Variants in CPS1 observed in about 807,000 individuals in gnomAD.
The protein encoded by CPS1 is carbamoyl-phosphate synthase 1, also known as carbamoyl-phosphate synthase [ammonia], mitochondrial.
CPS1 carries 109 observed loss-of-function variants against 174.6 expected under a neutral mutation model. The observed-to-expected ratio is 0.62, with a 90% CI of 0.53 to 0.73. CPS1 has a LOEUF of 0.73. Among genes scored for constraint, CPS1 ranks in the 30% least tolerant of loss-of-function variants. The pLI is 0.00. For synonymous variants in CPS1, 637 were observed against 632.0 expected (o/e 1.01, Z -0.12); for missense variants, 1,689 against 1,821.9 (o/e 0.93, Z 1.33).
intron 6 of CPS1, 140 bp downstream of exon 6, chr2:210,582,849 A>G (rs1229187662): frequency 7.2e-6 from 5 of 697,938 alleles, no homozygotes; most frequent in Non-Finnish European, 1.3e-5. Flanking sequence ...CATAGCAGCT[A>G]AAATACACCT....
intron 13 of CPS1, among the ~76,000 whole-genome samples, chr2:210,597,950 T>C (rs1698548919): frequency 6.6e-6 from 1 of 151,876 alleles, no homozygotes; most frequent in Non-Finnish European, 1.5e-5. Context: ...TAAAGCACTA[T>C]AGCAAGCATG....
upstream of CPS1, among the ~76,000 whole-genome samples, chr2:210,553,694 T>C (rs1225467100): frequency 6.6e-6 from 1 of 152,006 alleles, no homozygotes; most frequent in Non-Finnish European, 1.5e-5. Flanking sequence ...AAAATGCTTA[T>C]TTTTTAAAAT....
At chr2:210,539,956 C>T in intron 1 of CPS1, among the ~76,000 whole-genome samples, 1 of 152,162 alleles carries the variant, frequency 6.6e-6, no homozygotes, top group Non-Finnish European at 1.5e-5. Flanking sequence ...GTCATTTCTA[C>T]TACATTGCTC....
chr2:210,482,297 G>A (rs954989760), intron 1 of CPS1, among the ~76,000 whole-genome samples: 2 of 151,062 alleles, frequency 1.3e-5, no homozygotes, highest in Non-Finnish European at 2.9e-5. Context: ...TGTAGACTAC[G>A]TTGAATCCCT....
At chr2:210,538,976 T>A (rs1696331378) in intron 1 of CPS1, among the ~76,000 whole-genome samples, 1 of 152,180 alleles carries the variant, frequency 6.6e-6, no homozygotes, top group Non-Finnish European at 1.5e-5. Flanking sequence ...AGGTAAAAAT[T>A]GTAGTACTGG....
upstream of CPS1, chr2:210,556,412 A>T (rs943479620): frequency 1.9e-6 from 1 of 536,952 alleles, no homozygotes; most frequent in African/African-American, 1.9e-5. Flanking sequence ...TGCATAAACA[A>T]TTCCTTTGAT....
chr2:210,616,595 G>C, intron 21 of CPS1, 54 bp downstream of exon 21: 1 of 1,046,066 alleles, frequency 9.6e-7, no homozygotes, highest in Middle Eastern at 2.0e-4. Context: ...AATTTTTAAA[G>C]AGTCTTCTTC....
At chr2:210,640,422 A>T (rs1700184731) in intron 24 of CPS1, among the ~76,000 whole-genome samples, 1 of 152,216 alleles carries the variant, frequency 6.6e-6, no homozygotes, top group African/African-American at 2.4e-5. Context: ...AGGACTTTAT[A>T]CATTAGCCAG....
chr2:210,670,866 C>T (rs1701277825), intron 34 of CPS1, among the ~76,000 whole-genome samples: 1 of 152,148 alleles, frequency 6.6e-6, no homozygotes, highest in Non-Finnish European at 1.5e-5. Flanking sequence ...ATATTCATAA[C>T]ATCAATCTTA....
At chr2:210,637,202 C>T (rs7601865) in intron 21 of CPS1, among the ~76,000 whole-genome samples, 9 of 151,852 alleles carry the variant, frequency 5.9e-5, no homozygotes, top group African/African-American at 2.2e-4. Context: ...AGGGTAGAGC[C>T]GTGGGTAGGG....
Position 210,588,043 on chromosome 2 carries a change from T to C in CPS1, c.622-15T>C. 6.2e-7 allele frequency: 1 copy of C among 1,612,048 alleles called. No homozygotes were observed. Among genetic ancestry groups the C allele is most frequent in the Non-Finnish European group, 8.5e-7 (1 of 1,178,458 alleles). On this transcript the variant is annotated splice_polypyrimidine_tract_variant and intron_variant, in intron 6 of 37. Transcript: ENST00000233072. Reference sequence around the variant, plus strand: ...CTGGGACTTCCCTCTCATTCTCTGGTTTTTAAAATGGCAGGATGTCAAAGT... The same window carrying C: ...CTGGGACTTCCCTCTCATTCTCTGGCTTTTAAAATGGCAGGATGTCAAAGT...
intron 23 of CPS1, among the ~76,000 whole-genome samples, chr2:210,639,734 T>C (rs1574629071): frequency 1.3e-5 from 2 of 150,210 alleles, no homozygotes; most frequent in South Asian, 2.1e-4. Flanking sequence ...AAATGAAAAA[T>C]TAAGGACAAT....
chr2:210,671,950 G>A (rs1701319969), intron 34 of CPS1: 1 of 152,244 alleles, frequency 6.6e-6, no homozygotes, highest in Non-Finnish European at 1.5e-5. Flanking sequence ...CAAGGTTAAT[G>A]CAATCTTGAC....
intron 21 of CPS1, 100 bp downstream of exon 21, chr2:210,616,641 T>A (rs1444962455): frequency 2.4e-6 from 2 of 821,416 alleles, no homozygotes; most frequent in Admixed American, 3.4e-5. Context: ...TGTGATTCAA[T>A]GAGGTAGATA....
At chr2:210,670,913 T>G (rs1456777757) in intron 34 of CPS1, among the ~76,000 whole-genome samples, 1 of 152,202 alleles carries the variant, frequency 6.6e-6, no homozygotes, top group Admixed American at 6.6e-5. Flanking sequence ...AAGATGTAGA[T>G]TTTGTCAAAG....
At chr2:210,489,934 C>CT (rs2105949724) in intron 1 of CPS1, among the ~76,000 whole-genome samples, 1 of 145,414 alleles carries the variant, frequency 6.9e-6, no homozygotes, top group South Asian at 2.2e-4. Flanking sequence ...GGAGGCGGAG[C>CT]TTGCAGTGAG....
At chr2:210,637,347 A>G (rs1159744875) in intron 21 of CPS1, among the ~76,000 whole-genome samples, 1 of 152,206 alleles carries the variant, frequency 6.6e-6, no homozygotes, top group Non-Finnish European at 1.5e-5. Context: ...GTTGAGGAAA[A>G]TGAAAACTGA....
chr2:210,629,471 C>T lies in CPS1; in HGVS notation c.2688-8231C>T, dbSNP rs548407002. Among the ~76,000 whole-genome samples, 17 of 151,988 alleles carry T rather than the reference C, an allele frequency of 1.1e-4. No individual in the cohort carries two copies. The South Asian group carries it at 3.1e-3, about 28-fold the overall frequency. On this transcript the variant is annotated intron_variant, in intron 21 of 37. Transcript: ENST00000233072. ...CTCGGACTACAGGCGCCTGCCACCA[C>T]GCCCAGCTAATTTTTTTGTATTTTT... is the stretch of plus-strand genomic sequence containing the variant.
chr2:210,586,370 C>T (rs1698108370), intron 6 of CPS1, among the ~76,000 whole-genome samples: 1 of 152,012 alleles, frequency 6.6e-6, no homozygotes, highest in African/African-American at 2.4e-5. Context: ...ATTCATATGA[C>T]TTCCCCTTGT....
Sources: allele counts gnomAD v4.1 joint callset (sites outside exome capture counted in the v4.1 genomes callset), GRCh38; gene constraint gnomAD v4.1.1; transcripts MANE v1.5; gene names NCBI Gene and HGNC (gene_info 2026-07-23, HGNC 2026-07-21).